Variants in TTC17 observed in about 807,000 individuals in gnomAD.
The protein encoded by TTC17 is tetratricopeptide repeat domain 17.
In TTC17, 58 loss-of-function variants were observed where a neutral mutation model predicts 143.8. That is an observed-to-expected ratio of 0.40 (90% confidence interval 0.33 to 0.50). The LOEUF is 0.50. Ranked by LOEUF, TTC17 falls within the 20% of genes least tolerant of loss-of-function variation. TTC17 has a pLI of 0.49. For synonymous variants in TTC17, 501 were observed against 497.8 expected, an observed-to-expected ratio of 1.01 and a Z score of -0.09; for missense variants, 1,273 against 1,392.5, an observed-to-expected ratio of 0.91 and a Z score of 1.37.
chr11:43,442,510 A>C (rs1371183645), intron 16 of TTC17, among the ~76,000 whole-genome samples: 1 of 152,226 alleles, frequency 6.6e-6, no homozygotes, highest in Non-Finnish European at 1.5e-5. Context: ...GCCAATTCAA[A>C]ATAAACAGGA....
At chr11:43,443,638 T>A in intron 17 of TTC17, 54 bp downstream of exon 17, 1 of 1,555,210 alleles carries the variant, frequency 6.4e-7, no homozygotes, top group Non-Finnish European at 8.7e-7. Flanking sequence ...TTTCAGGGGA[T>A]CCTAATATGC....
At chr11:43,436,049 G>A (rs1947285002) in intron 16 of TTC17, 1 of 914,000 alleles carries the variant, frequency 1.1e-6, no homozygotes, top group South Asian at 5.7e-5. Flanking sequence ...GTGTTCTGCT[G>A]AAGAAAAACC....
chr11:43,462,106 C>T (rs554549872), intron 21 of TTC17, among the ~76,000 whole-genome samples: 13 of 134,784 alleles, frequency 9.6e-5, no homozygotes, highest in South Asian at 2.3e-4. Context: ...AAAAAAAAAA[C>T]GGCTATATAA....
At chr11:43,430,061 G>T (rs1947118416) in intron 16 of TTC17, among the ~76,000 whole-genome samples, 1 of 152,160 alleles carries the variant, frequency 6.6e-6, no homozygotes, top group South Asian at 2.1e-4. Context: ...ATAATAAATT[G>T]CATGGGAATA....
At chr11:43,464,637 A>G (rs954861643) in intron 21 of TTC17, among the ~76,000 whole-genome samples, 1 of 152,236 alleles carries the variant, frequency 6.6e-6, no homozygotes, top group African/African-American at 2.4e-5. Flanking sequence ...CAATCTTAGA[A>G]AAATGGACTA....
chr11:43,454,151 A>AC lies in TTC17; in HGVS notation c.3030+2887dup, dbSNP rs1421174087. On this transcript the variant is annotated intron_variant, in intron 21 of 23. Coordinates refer to ENST00000039989, the MANE Select transcript of TTC17 (RefSeq NM_018259.6). ...AATATATGAAAGGTAAAATAAGCTC[A>AC]CTGATTACTTAATAGATACTGGTTG... is the stretch of plus-strand genomic sequence containing the variant. Among the ~76,000 whole-genome samples the AC allele has an allele frequency of 2.0e-5, 3 of 152,326 alleles. No homozygotes were observed. In the East Asian group the frequency reaches 5.8e-4, roughly 29 times the overall value.
chr11:43,447,061 T>G (rs1947559301), intron 18 of TTC17, among the ~76,000 whole-genome samples: 3 of 152,128 alleles, frequency 2.0e-5, no homozygotes, highest in Non-Finnish European at 4.4e-5. Flanking sequence ...GGCTCACATC[T>G]GTAATCCCAG....
At chr11:43,458,159 T>C (rs1439803932) in intron 21 of TTC17, among the ~76,000 whole-genome samples, 1 of 152,230 alleles carries the variant, frequency 6.6e-6, no homozygotes, top group Admixed American at 6.5e-5. Flanking sequence ...CGGGCACTTC[T>C]TCTGCTGATC....
At chr11:43,394,033 T>C (rs779487618) in intron 5 of TTC17, among the ~76,000 whole-genome samples, 2 of 152,200 alleles carry the variant, frequency 1.3e-5, no homozygotes, top group African/African-American at 2.4e-5. Flanking sequence ...AGGACACTTA[T>C]AGGAAGAAAT....
At chr11:43,387,917 T>C (rs540655990) in intron 2 of TTC17, among the ~76,000 whole-genome samples, 7 of 152,238 alleles carry the variant, frequency 4.6e-5, no homozygotes, top group Non-Finnish European at 8.8e-5. Context: ...CCTATTTGAT[T>C]GGCATAAGTT....
intron 16 of TTC17, among the ~76,000 whole-genome samples, chr11:43,423,066 C>T (rs1027636733): frequency 2.0e-5 from 3 of 152,094 alleles, no homozygotes; most frequent in African/African-American, 7.2e-5. Context: ...TCCTTAGGAA[C>T]AAGGATGATA....
At chr11:43,426,412 G>GATC (rs1947028808) in intron 16 of TTC17, among the ~76,000 whole-genome samples, 1 of 152,174 alleles carries the variant, frequency 6.6e-6, no homozygotes. Flanking sequence ...CTTTCCCCTT[G>GATC]ATCATGCATT....
At chr11:43,390,586 A>C (rs1857343419) in intron 3 of TTC17, among the ~76,000 whole-genome samples, 1 of 151,914 alleles carries the variant, frequency 6.6e-6, no homozygotes, top group South Asian at 2.1e-4. Flanking sequence ...ACTGCACTCC[A>C]GCCTGGGCGA....
chr11:43,452,393 G>C (rs898971585), intron 21 of TTC17, among the ~76,000 whole-genome samples: 1 of 152,100 alleles, frequency 6.6e-6, no homozygotes, highest in East Asian at 1.9e-4. Flanking sequence ...CCAGCTACTT[G>C]AGAGAGTGAG....
At chr11:43,359,403 C>CT (rs1856003373) in intron 1 of TTC17, 3 of 379,992 alleles carry the variant, frequency 7.9e-6, no homozygotes, top group South Asian at 5.0e-5. Context: ...CCCTACGGAC[C>CT]TTTTTTTAGC....
At chr11:43,477,279 GTCT>G (rs1948202303) in intron 21 of TTC17, among the ~76,000 whole-genome samples, 3 of 152,256 alleles carry the variant, frequency 2.0e-5, no homozygotes, top group Admixed American at 6.5e-5. Context: ...ACATTTTCCT[GTCT>G]TCTTCTGAGC....
In TTC17 at chr11:43,434,192, C is replaced by T. The variant is rs1352655545; in HGVS notation, c.2252-9133C>T. Among the ~76,000 whole-genome samples, 16 of 106,710 alleles carry T rather than the reference C, an allele frequency of 1.5e-4. No homozygotes were observed. The Admixed American group carries it at 1.5e-3, about 10-fold the overall frequency. 70.0% of individuals were successfully genotyped at this position (106,710 alleles called of 152,430 possible). On this transcript the variant is annotated intron_variant, in intron 16 of 23. Coordinates refer to ENST00000039989, the MANE Select transcript of TTC17 (RefSeq NM_018259.6). ...GGACACACACACACACACACACACA[C>T]ACACACACACACACACACACACACA...
intron 1 of TTC17, among the ~76,000 whole-genome samples, chr11:43,373,255 C>T (rs1435204040): frequency 6.6e-6 from 1 of 151,696 alleles, no homozygotes; most frequent in Non-Finnish European, 1.5e-5. Flanking sequence ...AACATAACTG[C>T]TCAGAAGTAG....
intron 16 of TTC17, among the ~76,000 whole-genome samples, chr11:43,418,744 C>T (rs566723673): frequency 2.0e-5 from 3 of 151,972 alleles, no homozygotes; most frequent in South Asian, 2.1e-4. Flanking sequence ...TGGAAAATAA[C>T]TTTTAATAAC....
Sources: allele counts gnomAD v4.1 joint callset (sites outside exome capture counted in the v4.1 genomes callset), GRCh38; gene constraint gnomAD v4.1.1; transcripts MANE v1.5; gene names NCBI Gene and HGNC (gene_info 2026-07-23, HGNC 2026-07-21).